Variants in TTN observed in about 807,000 individuals in gnomAD.
The protein encoded by TTN is titin, also known as connectin.
Under a neutral mutation model 3,223.0 loss-of-function variants are expected in TTN, and 1,525 were observed. The ratio of observed to expected loss-of-function variants is 0.47; its 90% CI spans 0.45 to 0.49. The LOEUF is 0.49. Among genes scored for constraint, TTN ranks in the 20% least tolerant of loss-of-function variants. TTN has a pLI of 0.00. For missense variants in TTN, 40,786 were observed against 43,424.0 expected (o/e 0.94, Z 5.40); for synonymous variants, 14,094 against 15,161.0 (o/e 0.93, Z 5.17).
intron 47 of TTN, chr2:178,748,836 C>A (rs753350460): frequency 2.5e-6 from 4 of 1,611,976 alleles, no homozygotes; most frequent in Non-Finnish European, 3.4e-6. Flanking sequence ...GAATCTGATT[C>A]AGTATTTGGA....
chr2:178,626,580 G>A (rs570869479), intron 240 of TTN, among the ~76,000 whole-genome samples: 97 of 151,992 alleles, frequency 6.4e-4, no homozygotes, highest in Non-Finnish European at 1.1e-3. Flanking sequence ...ATCTAAAAGT[G>A]TTTTCTTTAA....
intron 6 of TTN, among the ~76,000 whole-genome samples, chr2:178,796,723 T>A (rs944554536): frequency 6.6e-6 from 1 of 152,130 alleles, no homozygotes; most frequent in South Asian, 2.1e-4. Flanking sequence ...TGGGTTTAAT[T>A]CAAAAAGAGT....
At chr2:178,645,631 C>T (rs1233857179) in intron 217 of TTN, 3 of 219,448 alleles carry the variant, frequency 1.4e-5, no homozygotes, top group African/African-American at 6.9e-5. Context: ...AATCAGAAAA[C>T]TCTTTCTCCC....
intron 33 of TTN, among the ~76,000 whole-genome samples, chr2:178,772,323 A>G (rs1048644297): frequency 1.3e-5 from 2 of 152,208 alleles, no homozygotes; most frequent in African/African-American, 4.8e-5. Context: ...AAATAAGACA[A>G]ATCATTACCA....
In TTN at chr2:178,636,507, G is replaced by T. The variant is rs1559992349; in HGVS notation, c.41220C>A (p.Asp13740Glu). The change falls in exon 225 of 363, where the codon GAC becomes GAA. Residue 13740 changes from aspartate (D) to glutamate (E), a missense_variant. Physicochemically the swap from Asp to Glu is conservative, Grantham distance 45 (BLOSUM62 2). Transcript: ENST00000589042. The surrounding 1 kb of genome is among the most constrained non-coding windows in gnomAD (Gnocchi z 4.3). ...GAACATCAATGATGTGCAGCTTTCT[G>T]TCTTTACCATCTGCAATAAACCTGT... The part of the protein sequence containing the change: ...PKHRFIADGK[D>E]RKLHIIDVQL... 1 of 1,613,454 alleles carries T rather than the reference G, an allele frequency of 6.2e-7. No individual in the cohort carries two copies. Among genetic ancestry groups the T allele is most frequent in the Middle Eastern group, 1.7e-4 (1 of 6,056 alleles).
chr2:178,756,220 A>G lies in TTN; in HGVS notation c.11254+2T>C, dbSNP rs199565715. The G allele has an allele frequency of 2.5e-4, 395 of 1,589,862 alleles. 1 individual carries two copies. The African/African-American group carries it at 4.8e-3, about 19-fold the overall frequency. On this transcript the variant is annotated splice_donor_variant, in intron 46 of 362. Transcript: ENST00000589042. LOFTEE classifies it high-confidence loss of function. ...GCAAGTCATAGCTAAAAATCAATTA[A>G]CCACCTTCTACACTTAGTACTGCTG...
intron 17 of TTN, among the ~76,000 whole-genome samples, chr2:178,783,363 C>T (rs566577753): frequency 6.6e-6 from 1 of 152,158 alleles, no homozygotes; most frequent in East Asian, 1.9e-4. Context: ...ATGTTTATCA[C>T]CTTATATATT....
chr2:178,609,420 G>A lies in TTN; in HGVS notation c.51890C>T (p.Ala17297Val), dbSNP rs776392928. The change falls in exon 273 of 363, where the codon GCA (alanine) becomes GTA (valine). Residue 17297 changes from alanine to valine, a missense_variant. Ala to Val is a moderately conservative substitution (Grantham distance 64). Transcript: ENST00000589042. The stretch of plus-strand genomic sequence containing the variant: ...CTTCCTTCTCCTAACCAAGGGTGCT[G>A]CACGCTTCTTAATTTCCTCTGGTAC... ...VIVPEEIKKR[A>V]APLVRRRKGE... 2.1e-5 allele frequency: 34 copies of A among 1,612,112 alleles called. No individual in the cohort carries two copies. Among genetic ancestry groups the A allele is most frequent in the Non-Finnish European group, 2.8e-5 (33 of 1,179,012 alleles).
At chr2:178,682,658 A>G (rs2069739837) in intron 135 of TTN, 39 bp downstream of exon 135, 1 of 1,537,580 alleles carries the variant, frequency 6.5e-7, no homozygotes, top group African/African-American at 1.4e-5. Context: ...GAGTGTGCAC[A>G]TATTTAGTGT....
intron 224 of TTN, 89 bp downstream of exon 224, chr2:178,637,254 CAATTAGAAAAAATAAAAATTGTTATG>C: frequency 2.0e-6 from 1 of 490,240 alleles, no homozygotes; most frequent in Non-Finnish European, 3.3e-6. Context: ...TTAGTAGAAT[CAATTAGAAAAAATAAAAATTGTTATG>C]AATTTTGAAA....
intron 359 of TTN, 162 bp from the exon 360 acceptor site, chr2:178,529,381 A>G (rs769168441): frequency 2.0e-6 from 1 of 497,612 alleles, no homozygotes; most frequent in Non-Finnish European, 3.4e-6. Context: ...TTGGAAAATT[A>G]TCATGTGTGA....
At position 178,534,480 on chromosome 2, in the gene TTN, T is replaced by G; in HGVS notation, c.102135A>C (p.Glu34045Asp). 1 of 1,613,738 alleles carries G rather than the reference T, an allele frequency of 6.2e-7. No homozygotes were observed. Among genetic ancestry groups the G allele is most frequent in the Non-Finnish European group, 8.5e-7 (1 of 1,179,822 alleles). ...ACAACCGGTCAACAAAATCCATGGC[T>G]TCAATGCTAATCTCTTTGAATGCTT... ...DEEAFKEISI[E>D]AMDFVDRLLV... The change falls in exon 358 of 363, where the codon GAA becomes GAC. Residue 34045 changes from glutamate to aspartate, a missense_variant. Physicochemically the swap from Glu to Asp is conservative, Grantham distance 45. Coordinates refer to ENST00000589042, the MANE Select transcript of TTN (RefSeq NM_001267550.2).
rs1689198573 is a variant in TTN at position 178,531,754 on chromosome 2, G to A, written c.104861C>T (p.Pro34954Leu). The change falls in exon 358 of 363, where the codon CCA becomes CTA. Residue 34954 changes from proline to leucine, a missense_variant. Transcript: ENST00000589042. ...AATAAAACGTGTATTTTGGCCACAT[G>A]GTACCCTGTGCGAGCGCATTCTCAG... is the stretch of plus-strand genomic sequence containing the variant. The part of the protein sequence containing the change: ...ITLRMRSHRV[P>L]CGQNTRFILN... 2 of 1,613,964 alleles carry A rather than the reference G, an allele frequency of 1.2e-6. No homozygotes were observed. Among genetic ancestry groups the A allele is most frequent in the Non-Finnish European group, 1.7e-6 (2 of 1,179,868 alleles).
chr2:178,742,866 T>A (rs2082740049), intron 47 of TTN: 1 of 152,078 alleles, frequency 6.6e-6, no homozygotes, highest in Admixed American at 6.6e-5. Context: ...ACACCTTAAT[T>A]CCTTTCTGTT....
chr2:178,722,935 G>A lies in TTN; in HGVS notation c.21964C>T (p.Pro7322Ser), dbSNP rs1553911632. The A allele has an allele frequency of 1.9e-6, 3 of 1,607,266 alleles. No individual in the cohort carries two copies. Among genetic ancestry groups the A allele is most frequent in the East Asian group, 2.2e-5 (1 of 44,672 alleles). Residue 7322 changes from proline to serine, a missense_variant and splice_region_variant, in exon 76 of 363, where the codon CCG (proline) becomes TCG (serine). By Grantham distance (74) the Pro-to-Ser change is moderately conservative (BLOSUM62 -1). Transcript: ENST00000589042. ...TCCAGTTCCGTAACAAAATAAGGCG[G>A]TTCTAAGGAAGAAAGGCTCACAGTT... Reference protein sequence around the residue: ...VCGALVSTLEPPYFVTELEPL... With the variant: ...VCGALVSTLESPYFVTELEPL...
chr2:178,709,559 A>T lies in TTN; in HGVS notation c.28753+7T>A. The T allele has an allele frequency of 6.2e-7, 1 of 1,600,296 alleles. No individual in the cohort carries two copies. ...CACAACAGGTTGGGGCTGTGAGGATAACTCACCTTTGATGACGATTGAAGA... is the reference window on the plus strand; with the variant it reads ...CACAACAGGTTGGGGCTGTGAGGATTACTCACCTTTGATGACGATTGAAGA... On this transcript the variant is annotated splice_region_variant and intron_variant, in intron 99 of 362. Coordinates refer to ENST00000589042, the MANE Select transcript of TTN (RefSeq NM_001267550.2).
At position 178,553,102 on chromosome 2, in the gene TTN, G is replaced by A; in HGVS notation, c.89798C>T (p.Thr29933Ile). ...CTGTAGTTTCTGGCAGGCAGCTGGT[G>A]TGTCAAGCACTTTAACACTCACAGT... ...SSTVSVKVLD[T>I]PAACQKLQVK... Residue 29933 changes from threonine to isoleucine, a missense_variant, in exon 335 of 363, where the codon ACA becomes ATA. Coordinates refer to ENST00000589042, the MANE Select transcript of TTN (RefSeq NM_001267550.2). 6.2e-7 allele frequency: 1 copy of A among 1,611,406 alleles called. No individual in the cohort carries two copies. Among genetic ancestry groups the A allele is most frequent in the Non-Finnish European group, 8.5e-7 (1 of 1,177,990 alleles).
rs777522726 is a variant in TTN at position 178,652,488 on chromosome 2, G to T, written c.39097C>A (p.Pro13033Thr). 1 of 1,613,518 alleles carries T rather than the reference G, an allele frequency of 6.2e-7. No individual in the cohort carries two copies. The highest frequency in any genetic ancestry group is 1.7e-5 in the Admixed American group (1 of 59,960). The change falls in exon 202 of 363, where the codon CCT (proline) becomes ACT (threonine). Residue 13033 changes from proline (P) to threonine (T), a missense_variant. Transcript: ENST00000589042. ...ACAGGTGTGACTTCAGGCTTTTTAG[G>T]AGGAGCCGCTGGCACTTTCTTTTCA... is the stretch of plus-strand genomic sequence containing the variant. ...VPEKKVPAAP[P>T]KKPEVTPVKV... is the part of the protein sequence containing the mutation.
chr2:178,783,879 T>C (rs1252995511), intron 16 of TTN, 94 bp from the exon 17 acceptor site: 1 of 1,018,774 alleles, frequency 9.8e-7, no homozygotes, highest in Non-Finnish European at 1.3e-6. Flanking sequence ...ATTATAAAAA[T>C]ATAAAAATAA....
Sources: allele counts gnomAD v4.1 joint callset (sites outside exome capture counted in the v4.1 genomes callset), GRCh38; gene constraint gnomAD v4.1.1; non-coding constraint Gnocchi (gnomAD v3.1); transcripts MANE v1.5; gene names NCBI Gene and HGNC (gene_info 2026-07-23, HGNC 2026-07-21).